GNA12: variants seen among roughly 807,000 people sequenced by gnomAD.
GNA12 encodes G protein subunit alpha 12.
GNA12 carries 9 observed loss-of-function variants against 26.0 expected under a neutral mutation model. The observed-to-expected ratio is 0.35, with a 90% CI of 0.21 to 0.60. The LOEUF (loss-of-function observed/expected upper bound fraction) is 0.60. Ranked by LOEUF, GNA12 falls within the 20% of genes least tolerant of loss-of-function variation. The pLI, the probability that GNA12 is intolerant of heterozygous loss-of-function variation, is 0.78. For missense variants in GNA12, 405 were observed against 525.8 expected, an observed-to-expected ratio of 0.77 and a Z score of 2.25; for synonymous variants, 264 against 219.6, an observed-to-expected ratio of 1.20 and a Z score of -1.79.
At chr7:2,753,165 TA>T (rs869161467) in intron 2 of GNA12, among the ~76,000 whole-genome samples, 2 of 147,188 alleles carry the variant, frequency 1.4e-5, no homozygotes, top group South Asian at 2.2e-4. Context: ...TTTTTTTTTT[TA>T]AAAAAAGAGA....
chr7:2,821,982 G>A (rs937850748), intron 1 of GNA12, among the ~76,000 whole-genome samples: 1 of 152,284 alleles, frequency 6.6e-6, no homozygotes, highest in East Asian at 1.9e-4. Flanking sequence ...AGGGGAATCA[G>A]ACCAGGCCCT....
At position 2,790,974 on chromosome 7, in the gene GNA12, TA is replaced by T. The variant is rs543331692; in HGVS notation, c.525+3953del. Among the ~76,000 whole-genome samples the T allele has an allele frequency of 5.3e-3, 696 of 130,872 alleles. 2 individuals carry two copies. The highest frequency in any genetic ancestry group is 8.0e-3 in the African/African-American group (278 of 34,790). The allele number at this position is 130,872 out of a possible 152,430, so 85.9% of individuals were successfully genotyped here. A position where few individuals can be genotyped will look rare whatever the true frequency, so the allele number is the denominator to read the frequency against. ...GGAAGGCAGAGCAAGATTGTCCCTTTAAAAAAAAAAAAAAAAGGTAAAGAAA... is the reference window on the plus strand; with the variant it reads ...GGAAGGCAGAGCAAGATTGTCCCTTTAAAAAAAAAAAAAAAGGTAAAGAAA... On this transcript the variant is annotated intron_variant, in intron 2 of 3. Coordinates refer to ENST00000275364, the MANE Select transcript of GNA12 (RefSeq NM_007353.3).
intron 1 of GNA12, among the ~76,000 whole-genome samples, chr7:2,812,405 G>A (rs1793102221): frequency 1.3e-5 from 2 of 152,104 alleles, no homozygotes; most frequent in South Asian, 4.1e-4. Flanking sequence ...TGAGGCGGGC[G>A]GACCACTTGA....
At chr7:2,789,666 C>T (rs558083603) in intron 2 of GNA12, among the ~76,000 whole-genome samples, 18 of 152,306 alleles carry the variant, frequency 1.2e-4, no homozygotes, top group African/African-American at 3.6e-4. Context: ...AGTTAGGCGG[C>T]CCCTACTTCT....
chr7:2,821,908 T>C (rs750451328), intron 1 of GNA12, among the ~76,000 whole-genome samples: 98 of 152,330 alleles, frequency 6.4e-4, no homozygotes, highest in Non-Finnish European at 8.5e-4. Flanking sequence ...AGAATTTATT[T>C]ATGCATCCAA....
intron 1 of GNA12, among the ~76,000 whole-genome samples, chr7:2,832,206 A>C (rs180832932): frequency 6.6e-6 from 1 of 152,210 alleles, no homozygotes; most frequent in East Asian, 1.9e-4. Context: ...CTCTCCTCCA[A>C]GTGACTTTCC....
chr7:2,830,612 G>T (rs989838906), intron 1 of GNA12, among the ~76,000 whole-genome samples: 4 of 152,190 alleles, frequency 2.6e-5, no homozygotes, highest in African/African-American at 9.6e-5. Flanking sequence ...GAGCAAAGGG[G>T]GATAAGGGAT....
rs151191495 is a variant in GNA12 at position 2,806,488 on chromosome 7, A to G, written c.310-11345T>C. ...AAAAAAAAAAAAAAAAGAAAAAGAA[A>G]AAAGAAGAAAGAACTTGTCTTTTTC... is the stretch of plus-strand genomic sequence containing the variant. On this transcript the variant is annotated intron_variant, in intron 1 of 3. Coordinates refer to ENST00000275364, the MANE Select transcript of GNA12 (RefSeq NM_007353.3). Among the ~76,000 whole-genome samples the G allele has an allele frequency of 2.2e-3, 333 of 151,720 alleles. 1 individual carries two copies. The highest frequency in any genetic ancestry group is 3.8e-3 in the Non-Finnish European group (257 of 67,898).
intron 2 of GNA12, among the ~76,000 whole-genome samples, chr7:2,738,424 C>T (rs542158672): frequency 1.3e-5 from 2 of 152,144 alleles, no homozygotes; most frequent in Non-Finnish European, 2.9e-5. Context: ...GGCTACGCAC[C>T]GGCGAAGGAG....
At chr7:2,829,606 A>G (rs1182193) in intron 1 of GNA12, among the ~76,000 whole-genome samples, 64,124 of 152,096 alleles carry the variant, frequency 0.42, 13,798 homozygotes, top group Admixed American at 0.48. Flanking sequence ...TCATCTATAT[A>G]CTTATTATTC....
At chr7:2,733,717 G>A (rs1423121311) in intron 2 of GNA12, among the ~76,000 whole-genome samples, 1 of 152,196 alleles carries the variant, frequency 6.6e-6, no homozygotes, top group African/African-American at 2.4e-5. Flanking sequence ...CAACCCCAAG[G>A]TTCAAATTCT....
intron 2 of GNA12, among the ~76,000 whole-genome samples, chr7:2,746,927 G>C (rs1790792209): frequency 6.6e-6 from 1 of 152,182 alleles, no homozygotes; most frequent in Admixed American, 6.5e-5. Flanking sequence ...AGAAGAAATG[G>C]ATAAATTCCT....
chr7:2,777,363 A>T (rs986401437), intron 2 of GNA12, among the ~76,000 whole-genome samples: 1 of 152,270 alleles, frequency 6.6e-6, no homozygotes, highest in Admixed American at 6.5e-5. Context: ...ATTATACCAG[A>T]TGCCTGAAAG....
At chr7:2,822,945 C>T (rs1435508130) in intron 1 of GNA12, among the ~76,000 whole-genome samples, 3 of 152,226 alleles carry the variant, frequency 2.0e-5, no homozygotes, top group Non-Finnish European at 2.9e-5. Context: ...CCTAGATTCA[C>T]TATCAGTCCT....
chr7:2,750,893 C>A (rs182310157), intron 2 of GNA12, among the ~76,000 whole-genome samples: 1 of 152,012 alleles, frequency 6.6e-6, no homozygotes, highest in African/African-American at 2.4e-5. Flanking sequence ...TATGAGGGTG[C>A]GAATGGAAAG....
chr7:2,753,505 G>C (rs956857771), intron 2 of GNA12, among the ~76,000 whole-genome samples: 14 of 152,160 alleles, frequency 9.2e-5, no homozygotes, highest in Non-Finnish European at 1.9e-4. Context: ...TCACACTGTT[G>C]CATCTGTCAG....
chr7:2,794,228 T>C (rs1253082615), intron 2 of GNA12, among the ~76,000 whole-genome samples: 2 of 152,182 alleles, frequency 1.3e-5, no homozygotes, highest in Non-Finnish European at 2.9e-5. Context: ...TCAACTTGAC[T>C]CTGGGTGCTA....
chr7:2,787,060 C>T (rs1792379915), intron 2 of GNA12, among the ~76,000 whole-genome samples: 1 of 152,186 alleles, frequency 6.6e-6, no homozygotes, highest in South Asian at 2.1e-4. Context: ...CTCACAAAGA[C>T]AAGCGGTGGG....
At chr7:2,766,673 A>C (rs1208768532) in intron 2 of GNA12, among the ~76,000 whole-genome samples, 1 of 152,194 alleles carries the variant, frequency 6.6e-6, no homozygotes, top group African/African-American at 2.4e-5. Flanking sequence ...GGTGTGAGCC[A>C]CCGCACCTGG....
Sources: gnomAD v4.1 joint callset for allele counts (sites outside exome capture counted in the v4.1 genomes callset) on GRCh38, gnomAD v4.1.1 for gene constraint, MANE v1.5 for transcripts, NCBI Gene and HGNC (gene_info 2026-07-23, HGNC 2026-07-21) for gene names.